The following SNX29 variants were observed in gnomAD, a reference collection of about 807,000 sequenced individuals.
SNX29 encodes the protein sorting nexin 29.
A neutral mutation model predicts 102.1 loss-of-function variants in SNX29; 78 were observed. That is an observed-to-expected ratio of 0.76 (90% CI 0.64 to 0.92). The LOEUF is 0.92. Among genes scored for constraint, SNX29 ranks in the 40% least tolerant of loss-of-function variants. SNX29 has a pLI of 0.00. For synonymous variants in SNX29, 580 were observed against 414.5 expected (o/e 1.40, Z -4.85); for missense variants, 1,280 against 1,061.7 (o/e 1.21, Z -2.86).
chr16:12,081,697 AAAAG>A (rs2051900167), intron 11 of SNX29: 1 of 94,730 alleles, frequency 1.1e-5, no homozygotes, highest in Non-Finnish European at 2.1e-5. Context: ...AAAAAAAAAG[AAAAG>A]AAAAGAAAAG....
chr16:12,505,712 T>G (rs2089342059), intron 19 of SNX29, among the ~76,000 whole-genome samples: 1 of 142,542 alleles, frequency 7.0e-6, no homozygotes, highest in Non-Finnish European at 1.5e-5. Context: ...GTTTGGCTTC[T>G]CTGGGTTCCT....
intron 20 of SNX29, among the ~76,000 whole-genome samples, chr16:12,563,058 T>C (rs964845322): frequency 2.6e-5 from 4 of 151,992 alleles, no homozygotes; most frequent in African/African-American, 7.2e-5. Flanking sequence ...CCTCGAAATG[T>C]AGGTACTGGA....
intron 14 of SNX29, among the ~76,000 whole-genome samples, chr16:12,256,391 G>C (rs919051053): frequency 2.6e-5 from 4 of 152,138 alleles, no homozygotes; most frequent in African/African-American, 9.7e-5. Context: ...CTGTCATGCA[G>C]ATCTTGGCTC....
At chr16:12,465,167 G>A (rs1159542841) in intron 18 of SNX29, among the ~76,000 whole-genome samples, 1 of 152,140 alleles carries the variant, frequency 6.6e-6, no homozygotes, top group Admixed American at 6.5e-5. Context: ...CTTCTACTTT[G>A]TAGGTTCTTT....
At chr16:12,430,749 C>T (rs370253441) in intron 18 of SNX29, among the ~76,000 whole-genome samples, 8 of 152,188 alleles carry the variant, frequency 5.3e-5, no homozygotes, top group Non-Finnish European at 1.2e-4. Context: ...TGGAAGCGGG[C>T]TGTAGAGAAG....
intron 14 of SNX29, among the ~76,000 whole-genome samples, chr16:12,201,840 T>C (rs186941793): frequency 6.6e-6 from 1 of 152,350 alleles, no homozygotes; most frequent in Admixed American, 6.5e-5. Flanking sequence ...GGGCTTGCTT[T>C]TGATTTGAAA....
chr16:12,361,277 G>A (rs747513448), intron 16 of SNX29, among the ~76,000 whole-genome samples: 1 of 152,220 alleles, frequency 6.6e-6, no homozygotes, highest in Non-Finnish European at 1.5e-5. Context: ...GAGGGGCTCA[G>A]TGGGCAGTCA....
chr16:12,340,006 A>T (rs1325637569), intron 15 of SNX29, among the ~76,000 whole-genome samples: 1 of 152,232 alleles, frequency 6.6e-6, no homozygotes, highest in Non-Finnish European at 1.5e-5. Context: ...GCAGAGAGAA[A>T]AAGAGAGATG....
chr16:12,007,580 T>G (rs1053076280), intron 3 of SNX29, among the ~76,000 whole-genome samples: 27 of 152,162 alleles, frequency 1.8e-4, no homozygotes, highest in African/African-American at 6.5e-4. Flanking sequence ...AACTTAGGAC[T>G]GACAAGATAG....
chr16:12,545,774 C>G (rs1285549507), intron 20 of SNX29, among the ~76,000 whole-genome samples: 11 of 152,070 alleles, frequency 7.2e-5, no homozygotes, highest in African/African-American at 2.7e-4. Context: ...AGCTTTTAAA[C>G]AGTACCTTTC....
chr16:12,317,023 T>G (rs1212899315), intron 15 of SNX29, among the ~76,000 whole-genome samples: 2 of 152,272 alleles, frequency 1.3e-5, no homozygotes, highest in African/African-American at 4.8e-5. Flanking sequence ...TTAAATGGAA[T>G]GTAACTTGAA....
chr16:11,982,548 G>A (rs1476704254), intron 1 of SNX29, among the ~76,000 whole-genome samples: 2 of 151,208 alleles, frequency 1.3e-5, no homozygotes, highest in Admixed American at 1.3e-4. Flanking sequence ...TCCTGCCTCA[G>A]CCTCCCGAGT....
chr16:11,988,697 G>A (rs2055728382), intron 1 of SNX29, among the ~76,000 whole-genome samples: 1 of 152,094 alleles, frequency 6.6e-6, no homozygotes, highest in Non-Finnish European at 1.5e-5. Context: ...ACCATGCTTG[G>A]CCTATTGTCT....
At chr16:12,398,239 T>A (rs1012106771) in intron 16 of SNX29, among the ~76,000 whole-genome samples, 2 of 152,228 alleles carry the variant, frequency 1.3e-5, no homozygotes, top group Admixed American at 6.5e-5. Context: ...TTGAGATCCC[T>A]CATGGTGGCA....
intron 19 of SNX29, among the ~76,000 whole-genome samples, chr16:12,508,777 C>T (rs2151912141): frequency 6.6e-6 from 1 of 152,256 alleles, no homozygotes; most frequent in African/African-American, 2.4e-5. Flanking sequence ...GCCACGCCAC[C>T]TTCTCTCTCC....
At chr16:12,172,490 C>G (rs914770283) in intron 13 of SNX29, among the ~76,000 whole-genome samples, 4 of 152,158 alleles carry the variant, frequency 2.6e-5, no homozygotes, top group African/African-American at 9.7e-5. Context: ...GAGGGGTCAT[C>G]TTGGTCACCA....
intron 18 of SNX29, among the ~76,000 whole-genome samples, chr16:12,463,817 AGTGTGTGTGT>A (rs143006476): frequency 1.6e-4 from 23 of 143,378 alleles, no homozygotes; most frequent in South Asian, 4.6e-4. Flanking sequence ...TCCCGAAGTG[AGTGTGTGTGT>A]GTGTGTGTGT....
intron 19 of SNX29, among the ~76,000 whole-genome samples, chr16:12,486,507 G>A (rs2088241163): frequency 1.3e-5 from 2 of 152,226 alleles, no homozygotes; most frequent in South Asian, 4.1e-4. Context: ...AGAGGTACAG[G>A]GATGTGAAGT....
At chr16:12,164,982 C>T (rs1343452320) in intron 13 of SNX29, among the ~76,000 whole-genome samples, 1 of 152,152 alleles carries the variant, frequency 6.6e-6, no homozygotes, top group Non-Finnish European at 1.5e-5. Flanking sequence ...GCCACCGCAC[C>T]CGGCCTTATT....
Sources: allele counts gnomAD v4.1 joint callset (sites outside exome capture counted in the v4.1 genomes callset), GRCh38; gene constraint gnomAD v4.1.1; transcripts MANE v1.5; gene names NCBI Gene and HGNC (gene_info 2026-07-23, HGNC 2026-07-21).